IGLL5: variants seen among roughly 807,000 people sequenced by gnomAD.
IGLL5 encodes immunoglobulin lambda like polypeptide 5.
IGLL5 carries 30 observed loss-of-function variants against 20.9 expected under a neutral mutation model. The ratio of observed to expected loss-of-function variants is 1.44; its 90% CI spans 1.07 to 1.95. The LOEUF is 1.95. Among genes scored for constraint, IGLL5 ranks in the 30% most tolerant of loss-of-function variants. IGLL5 has a pLI of 0.00. For synonymous variants in IGLL5, 203 were observed against 117.3 expected, an observed-to-expected ratio of 1.73 and a Z score of -4.72; for missense variants, 475 against 270.7, an observed-to-expected ratio of 1.75 and a Z score of -5.30.
At position 22,888,046 on chromosome 22, in the gene IGLL5, G is replaced by A. The variant is rs564804719; in HGVS notation, c.-8G>A. On this transcript the variant is annotated 5_prime_UTR_variant, in exon 1 of 3. Coordinates refer to ENST00000526893, the MANE Select transcript of IGLL5 (RefSeq NM_001178126.2). The stretch of plus-strand genomic sequence containing the variant: ...TCGGGCCAGAGGTGCCCCTGAACCT[G>A]AAGGCCAATGAGACCCAAGACAGGC... The A allele has an allele frequency of 1.9e-6, 3 of 1,548,796 alleles. No individual in the cohort carries two copies. Among genetic ancestry groups the A allele is most frequent in the South Asian group, 1.2e-5 (1 of 83,966 alleles).
At chr22:22,889,755 T>C (rs2067750087) in intron 1 of IGLL5, among the ~76,000 whole-genome samples, 1 of 151,240 alleles carries the variant, frequency 6.6e-6, no homozygotes, top group East Asian at 2.0e-4. Context: ...ACCTGGCTAA[T>C]TTTGATTAGG....
At chr22:22,891,656 TG>T (rs2067850577) in intron 1 of IGLL5, among the ~76,000 whole-genome samples, 1 of 151,338 alleles carries the variant, frequency 6.6e-6, no homozygotes, top group Admixed American at 6.6e-5. Context: ...TTCAGAGACA[TG>T]ATGTACTCTC....
intron 2 of IGLL5, among the ~76,000 whole-genome samples, chr22:22,894,724 A>T (rs550900925): frequency 6.6e-6 from 1 of 151,270 alleles, no homozygotes; most frequent in East Asian, 2.0e-4. Flanking sequence ...AGCCCCAGGA[A>T]CAGCTGAGGT....
chr22:22,888,744 T>G (rs541539500), intron 1 of IGLL5, among the ~76,000 whole-genome samples: 4 of 151,372 alleles, frequency 2.6e-5, no homozygotes, highest in South Asian at 2.1e-4. Context: ...TTCACCAACT[T>G]GCACATAAAT....
At chr22:22,894,208 T>A (rs1601624552) in intron 2 of IGLL5, among the ~76,000 whole-genome samples, 2 of 151,098 alleles carry the variant, frequency 1.3e-5, no homozygotes, top group African/African-American at 2.4e-5. Flanking sequence ...AGCTGCTGAG[T>A]CTCATAGTCT....
At chr22:22,892,198 GCTTT>G (rs1164103157) in intron 1 of IGLL5, among the ~76,000 whole-genome samples, 2 of 151,140 alleles carry the variant, frequency 1.3e-5, no homozygotes, top group South Asian at 2.1e-4. Context: ...CTAAATGTTT[GCTTT>G]CTTTATATGA....
At chr22:22,888,937 A>C (rs148712628) in intron 1 of IGLL5, among the ~76,000 whole-genome samples, 2 of 151,334 alleles carry the variant, frequency 1.3e-5, no homozygotes, top group East Asian at 2.0e-4. Flanking sequence ...GGGTGCCCCC[A>C]AAAGACAGAG....
chr22:22,888,487 C>T (rs573038508), intron 1 of IGLL5, among the ~76,000 whole-genome samples: 3 of 151,286 alleles, frequency 2.0e-5, no homozygotes, highest in Admixed American at 1.3e-4. Context: ...TCTGAGTTTT[C>T]TGGCGCCACT....
chr22:22,889,829 T>C (rs191237407), intron 1 of IGLL5, among the ~76,000 whole-genome samples: 1 of 151,376 alleles, frequency 6.6e-6, no homozygotes, highest in Admixed American at 6.6e-5. Context: ...ATTCCTAAGC[T>C]CAAGCAATCT....
At chr22:22,893,904 T>TCTGTCCTCCA in intron 2 of IGLL5, 86 bp downstream of exon 2, 1 of 927,944 alleles carries the variant, frequency 1.1e-6, no homozygotes, top group African/African-American at 1.6e-5. Context: ...CTTCCTCCCC[T>TCTGTCCTCCA]CTGTCCTCCC....
At chr22:22,894,304 A>T (rs2068013969) in intron 2 of IGLL5, among the ~76,000 whole-genome samples, 3 of 151,368 alleles carry the variant, frequency 2.0e-5, no homozygotes, top group South Asian at 2.1e-4. Flanking sequence ...GCCTGGTGAC[A>T]CAGAGGTCAC....
In IGLL5 at chr22:22,887,878, T is replaced by G. The variant is rs1395590595; in HGVS notation, c.-176T>G. 1.5e-6 allele frequency: 1 copy of G among 654,240 alleles called. No individual in the cohort carries two copies. Among genetic ancestry groups the G allele is most frequent in the African/African-American group, 1.8e-5 (1 of 55,332 alleles). The allele number at this position is 654,240 out of a possible 1,614,324, so 40.5% of individuals were successfully genotyped here. A position where few individuals can be genotyped will look rare whatever the true frequency, so the allele number is the denominator to read the frequency against. On this transcript the variant is annotated 5_prime_UTR_variant, in exon 1 of 3. An upstream start codon of the reference 5' UTR is lost. Coordinates refer to ENST00000526893, the MANE Select transcript of IGLL5 (RefSeq NM_001178126.2). ...GAGAGATCCCCAGGGGTGACAGCCA[T>G]GGACCCTGGAAGGGCCTGGGCTAGG...
intron 1 of IGLL5, among the ~76,000 whole-genome samples, chr22:22,890,782 AT>A (rs2067819535): frequency 1.3e-5 from 2 of 151,050 alleles, no homozygotes; most frequent in African/African-American, 4.9e-5. Flanking sequence ...AAAATTGTTG[AT>A]CTTTTTATAT....
At chr22:22,894,060 G>C (rs12165699) in intron 2 of IGLL5, among the ~76,000 whole-genome samples, 2 of 151,486 alleles carry the variant, frequency 1.3e-5, no homozygotes, top group Middle Eastern at 3.8e-3. Context: ...GGCAGGGTCA[G>C]GGCTCCTCCT....
chr22:22,895,581 A>G lies in IGLL5; in HGVS notation c.532A>G (p.Ser178Gly), dbSNP rs200058211. The change falls in exon 3 of 3, where the codon AGC becomes GGC. Residue 178 changes from serine to glycine, a missense_variant. Physicochemically the swap from Ser to Gly is moderately conservative, Grantham distance 56 (BLOSUM62 0). Transcript: ENST00000526893. ...KQSNNKYAAS[S>G]YLSLTPEQWK... is the part of the protein sequence containing the mutation. ...GAGCAACAACAAGTACGCGGCCAGC[A>G]GCTACCTGAGCCTGACGCCCGAGCA... 2,903 of 1,613,180 alleles carry G rather than the reference A, an allele frequency of 1.8e-3. 3 individuals are homozygous for G. Among genetic ancestry groups the G allele is most frequent in the Non-Finnish European group, 2.4e-3 (2,815 of 1,179,776 alleles).
At chr22:22,889,151 T>G (rs191252923) in intron 1 of IGLL5, among the ~76,000 whole-genome samples, 2 of 150,756 alleles carry the variant, frequency 1.3e-5, no homozygotes, top group East Asian at 2.1e-4. Flanking sequence ...GACGCCCGAT[T>G]AGAGGAGGGA....
rs2066758045 is a variant in IGLL5, at chr22:22,895,936, AGGGAGGAG to A, written c.*244_*251del. The stretch of plus-strand genomic sequence containing the variant: ...CTGCACCCAGTGTGAAAATCACCCA[AGGGAGGAG>A]GCTCACAGCCTCCCTGAGTCATCTC... On this transcript the variant is annotated 3_prime_UTR_variant, in exon 3 of 3. Coordinates refer to ENST00000526893, the MANE Select transcript of IGLL5 (RefSeq NM_001178126.2). The A allele has an allele frequency of 1.7e-6, 1 of 594,422 alleles. No individual in the cohort carries two copies. The highest frequency in any genetic ancestry group is 3.0e-5 in the Admixed American group (1 of 33,592). The allele number at this position is 594,422 out of a possible 1,614,324, so 36.8% of individuals were successfully genotyped here.
Position 22,888,016 on chromosome 22 carries a change from G to A in IGLL5, c.-38G>A, listed in dbSNP as rs558520048. 10 of 1,515,388 alleles carry A rather than the reference G, an allele frequency of 6.6e-6. No individual in the cohort carries two copies. Among genetic ancestry groups the A allele is most frequent in the African/African-American group, 4.2e-5 (3 of 72,204 alleles). 93.9% of individuals were successfully genotyped at this position (1,515,388 alleles called of 1,614,324 possible). On this transcript the variant is annotated 5_prime_UTR_variant, in exon 1 of 3. Coordinates refer to ENST00000526893, the MANE Select transcript of IGLL5 (RefSeq NM_001178126.2). ...CACCGTCCTCCAGGGAGCCCATGCT[G>A]CAAGTCGGGCCAGAGGTGCCCCTGA...
Position 22,888,078 on chromosome 22 carries a change from G to A in IGLL5, c.25G>A (p.Gly9Ser), listed in dbSNP as rs763031578. MRPKTGQV[G>S]CETPEELGPG... ...AATGAGACCCAAGACAGGCCAAGTG[G>A]GTTGTGAGACCCCTGAGGAGCTGGG... The change falls in exon 1 of 3, where the codon GGT (glycine) becomes AGT (serine). Residue 9 changes from glycine (G) to serine (S), a missense_variant. By Grantham distance (56) the Gly-to-Ser change is moderately conservative. Coordinates refer to ENST00000526893, the MANE Select transcript of IGLL5 (RefSeq NM_001178126.2). 1.2e-5 allele frequency: 19 copies of A among 1,549,272 alleles called. No homozygotes were observed. The highest frequency in any genetic ancestry group is 2.7e-5 in the African/African-American group (2 of 72,922).
Sources: allele counts gnomAD v4.1 joint callset (sites outside exome capture counted in the v4.1 genomes callset), GRCh38; gene constraint gnomAD v4.1.1; transcripts MANE v1.5; gene names NCBI Gene and HGNC (gene_info 2026-07-23, HGNC 2026-07-21).